The following FAT3 variants were observed in gnomAD, a reference collection of about 807,000 sequenced individuals.
FAT3 encodes the protein FAT atypical cadherin 3.
In FAT3, 95 loss-of-function variants were observed where a neutral mutation model predicts 310.2. The ratio of observed to expected loss-of-function variants is 0.31; its 90% CI spans 0.26 to 0.36. FAT3 has a LOEUF of 0.36. Ranked by LOEUF, FAT3 falls within the 10% of genes least tolerant of loss-of-function variation. The pLI is 1.00. For synonymous variants in FAT3, 2,314 were observed against 2,192.9 expected (o/e 1.06, Z -1.54); for missense variants, 5,408 against 5,715.6 (o/e 0.95, Z 1.74).
chr11:92,855,017 G>T (rs1054886925), intron 19 of FAT3, among the ~76,000 whole-genome samples: 1 of 152,238 alleles, frequency 6.6e-6, no homozygotes, highest in African/African-American at 2.4e-5. Flanking sequence ...ACATCTATTT[G>T]ATGGGATGCA....
chr11:92,742,426 C>T (rs1465417678), intron 4 of FAT3, among the ~76,000 whole-genome samples: 3 of 152,154 alleles, frequency 2.0e-5, no homozygotes, highest in East Asian at 3.9e-4. Flanking sequence ...ACTGTGAATT[C>T]CCTGAAGGAA....
At chr11:92,426,103 G>A (rs553651442) in intron 2 of FAT3, among the ~76,000 whole-genome samples, 1 of 152,282 alleles carries the variant, frequency 6.6e-6, no homozygotes, top group African/African-American at 2.4e-5. Context: ...GAATCTCATT[G>A]TGGTTTTGAT....
At chr11:92,601,996 C>A (rs512978) in intron 3 of FAT3, among the ~76,000 whole-genome samples, 87,042 of 151,928 alleles carry the variant, frequency 0.57, 26,683 homozygotes, top group African/African-American at 0.8. Context: ...CCTCTCCCTC[C>A]GTAAGAGGAA....
chr11:92,341,496 A>G (rs1948261242), intron 1 of FAT3, among the ~76,000 whole-genome samples: 2 of 152,170 alleles, frequency 1.3e-5, no homozygotes, highest in Non-Finnish European at 2.9e-5. Context: ...CAAGATTTGC[A>G]TTTTGCCTTG....
intron 1 of FAT3, among the ~76,000 whole-genome samples, chr11:92,338,242 T>A (rs2134569108): frequency 6.6e-6 from 1 of 152,316 alleles, no homozygotes; most frequent in Non-Finnish European, 1.5e-5. Flanking sequence ...TTGTATTACA[T>A]AATTAGTGGC....
At chr11:92,690,123 AAGG>A (rs1454107110) in intron 3 of FAT3, among the ~76,000 whole-genome samples, 1 of 152,178 alleles carries the variant, frequency 6.6e-6, no homozygotes, top group Non-Finnish European at 1.5e-5. Flanking sequence ...CCTGAATCCA[AAGG>A]GAAAATATTT....
At chr11:92,277,856 A>C (rs1946316246) in intron 1 of FAT3, among the ~76,000 whole-genome samples, 1 of 151,502 alleles carries the variant, frequency 6.6e-6, no homozygotes, top group African/African-American at 2.4e-5. Flanking sequence ...CTAAAAAGTC[A>C]ATCTTTTTTT....
At chr11:92,418,430 C>CCCCA (rs1369359524) in intron 2 of FAT3, among the ~76,000 whole-genome samples, 1 of 94,240 alleles carries the variant, frequency 1.1e-5, no homozygotes. Context: ...CCCCCCCCAC[C>CCCCA]CCCCCACACA....
chr11:92,759,142 G>C (rs1565571235), intron 4 of FAT3, among the ~76,000 whole-genome samples: 1 of 152,198 alleles, frequency 6.6e-6, no homozygotes, highest in Non-Finnish European at 1.5e-5. Context: ...GGCAGGAAAA[G>C]CAGATTGGAG....
rs750816370 is a variant in FAT3 at position 92,843,968 on chromosome 11, A to G, written c.10601A>G (p.His3534Arg). ...KDSGKPQQVSHTYIRVRVIEE... is the reference protein window; with the variant it reads ...KDSGKPQQVSRTYIRVRVIEE... ...TCAGGCAAACCCCAGCAAGTTTCTC[A>G]CACTTACATCCGCGTGCGAGTCATT... Residue 3534 changes from histidine to arginine, a missense_variant, in exon 19 of 28, where the codon CAC (histidine) becomes CGC (arginine). Physicochemically the swap from His to Arg is conservative, Grantham distance 29. Coordinates refer to ENST00000525166, the MANE Select transcript of FAT3 (RefSeq NM_001367949.2). 72 of 1,609,536 alleles carry G rather than the reference A, an allele frequency of 4.5e-5. 1 individual carries two copies. In the South Asian group the frequency reaches 7.6e-4, roughly 17 times the overall value.
At chr11:92,278,621 T>C (rs1373184673) in intron 1 of FAT3, among the ~76,000 whole-genome samples, 1 of 152,178 alleles carries the variant, frequency 6.6e-6, no homozygotes, top group Non-Finnish European at 1.5e-5. Flanking sequence ...TACATATATA[T>C]ATACACACAC....
intron 3 of FAT3, among the ~76,000 whole-genome samples, chr11:92,691,233 G>A (rs1387557395): frequency 6.6e-6 from 1 of 152,102 alleles, no homozygotes; most frequent in Non-Finnish European, 1.5e-5. Flanking sequence ...GAAGGAATAT[G>A]ATTTCCTGTG....
At chr11:92,632,032 T>C (rs60452791) in intron 3 of FAT3, among the ~76,000 whole-genome samples, 4,143 of 152,334 alleles carry the variant, frequency 0.027, 209 homozygotes, top group African/African-American at 0.094. Context: ...TGGTTCTTGA[T>C]GTAGCCAGGG....
intron 4 of FAT3, among the ~76,000 whole-genome samples, chr11:92,723,946 A>G (rs1944931230): frequency 6.6e-6 from 1 of 152,224 alleles, no homozygotes; most frequent in Non-Finnish European, 1.5e-5. Context: ...GTATTTATTG[A>G]GTTCCATTGT....
intron 4 of FAT3, among the ~76,000 whole-genome samples, chr11:92,746,350 C>A (rs954813196): frequency 6.6e-6 from 1 of 152,292 alleles, no homozygotes; most frequent in Middle Eastern, 3.4e-3. Flanking sequence ...GGGGAACTCT[C>A]ATTTATAAAA....
At chr11:92,287,790 A>G (rs1340726328) in intron 1 of FAT3, among the ~76,000 whole-genome samples, 1 of 152,148 alleles carries the variant, frequency 6.6e-6, no homozygotes, top group African/African-American at 2.4e-5. Flanking sequence ...TGAGAGAGCC[A>G]GTCTGCTTGG....
At chr11:92,499,237 C>T (rs1035437176) in intron 2 of FAT3, among the ~76,000 whole-genome samples, 3 of 151,990 alleles carry the variant, frequency 2.0e-5, no homozygotes, top group Admixed American at 2.0e-4. Flanking sequence ...TTTGGAAATA[C>T]AGTGGATGAA....
At chr11:92,226,788 G>A (rs866734086) in intron 1 of FAT3, among the ~76,000 whole-genome samples, 1 of 152,122 alleles carries the variant, frequency 6.6e-6, no homozygotes, top group African/African-American at 2.4e-5. Flanking sequence ...CGCCGCCGCC[G>A]CGCGCCCAAT....
At chr11:92,287,103 G>A (rs1247430588) in intron 1 of FAT3, among the ~76,000 whole-genome samples, 1 of 152,082 alleles carries the variant, frequency 6.6e-6, no homozygotes, top group Non-Finnish European at 1.5e-5. Flanking sequence ...TTCTTCAAAT[G>A]GGTATTTTAA....
Sources: allele counts gnomAD v4.1 joint callset (sites outside exome capture counted in the v4.1 genomes callset), GRCh38; gene constraint gnomAD v4.1.1; transcripts MANE v1.5; gene names NCBI Gene and HGNC (gene_info 2026-07-23, HGNC 2026-07-21).